Variants in PDE10A observed in about 807,000 individuals in gnomAD.
PDE10A encodes the protein phosphodiesterase 10A.
A neutral mutation model predicts 97.7 loss-of-function variants in PDE10A; 39 were observed. The observed-to-expected ratio is 0.40, with a 90% CI of 0.31 to 0.52. The LOEUF is 0.52. PDE10A is among the 20% of genes least tolerant of loss of function. The pLI, the probability that PDE10A is intolerant of heterozygous loss-of-function variation, is 0.56. For synonymous variants in PDE10A, 371 were observed against 376.8 expected, an observed-to-expected ratio of 0.98 and a Z score of 0.18; for missense variants, 731 against 1,047.8, an observed-to-expected ratio of 0.70 and a Z score of 4.17.
At chr6:165,687,994 C>T (rs376347934) in intron 1 of PDE10A, among the ~76,000 whole-genome samples, 15 of 152,318 alleles carry the variant, frequency 9.8e-5, no homozygotes, top group African/African-American at 2.9e-4. Flanking sequence ...TGTGACTCCA[C>T]GGCTCACGCC....
chr6:165,538,987 A>AT (rs1783261324), intron 2 of PDE10A, among the ~76,000 whole-genome samples: 2 of 152,248 alleles, frequency 1.3e-5, no homozygotes, highest in African/African-American at 2.4e-5. Context: ...ATTTTCCTAC[A>AT]TTTTTTCAAA....
intron 2 of PDE10A, among the ~76,000 whole-genome samples, chr6:165,542,482 G>A (rs1783496927): frequency 6.6e-6 from 1 of 152,154 alleles, no homozygotes; most frequent in South Asian, 2.1e-4. Flanking sequence ...GACTCCTACT[G>A]TAGAAAGCTA....
chr6:165,826,653 C>A (rs1255581175), intron 1 of PDE10A, among the ~76,000 whole-genome samples: 2 of 152,036 alleles, frequency 1.3e-5, no homozygotes, highest in Non-Finnish European at 2.9e-5. Flanking sequence ...GGCCGAGGTA[C>A]CCCCGTGTGT....
chr6:165,626,083 C>A (rs2983509), intron 1 of PDE10A, among the ~76,000 whole-genome samples: 56,216 of 151,854 alleles, frequency 0.37, 11,049 homozygotes, highest in African/African-American at 0.51. Context: ...AAGGACAAAA[C>A]CCAACTCAAG....
intron 1 of PDE10A, among the ~76,000 whole-genome samples, chr6:165,920,447 T>C (rs987904407): frequency 6.6e-6 from 1 of 152,112 alleles, no homozygotes; most frequent in African/African-American, 2.4e-5. Flanking sequence ...TGTAGTAAAA[T>C]GATCCAGTTA....
At chr6:165,839,896 T>TCCTCATCCCCATCTTATCTCCAATTCA (rs1562762551) in intron 1 of PDE10A, among the ~76,000 whole-genome samples, 171 of 151,396 alleles carry the variant, frequency 1.1e-3, no homozygotes, top group South Asian at 4.6e-3. Context: ...TCCATCCCCA[T>TCCTCATCCCCATCTTATCTCCAATTCA]TCCCATCTCC....
At chr6:165,443,384 G>A (rs1463008419) in intron 5 of PDE10A, among the ~76,000 whole-genome samples, 1 of 152,182 alleles carries the variant, frequency 6.6e-6, no homozygotes, top group Non-Finnish European at 1.5e-5. Context: ...TCCAGTGCAT[G>A]CTGATGCAAG....
chr6:165,746,180 A>T (rs1583028528), intron 1 of PDE10A, among the ~76,000 whole-genome samples: 1 of 152,238 alleles, frequency 6.6e-6, no homozygotes, highest in Non-Finnish European at 1.5e-5. Flanking sequence ...TCAGTAAATG[A>T]GAAAACATTT....
intron 1 of PDE10A, among the ~76,000 whole-genome samples, chr6:165,739,602 C>A (rs1792669109): frequency 6.6e-6 from 1 of 150,774 alleles, no homozygotes; most frequent in African/African-American, 2.4e-5. Context: ...TCATATGACC[C>A]CAAAATCACA....
rs6910416 is a variant in PDE10A at position 165,847,018 on chromosome 6, G to T, written c.-615+140511C>A. 8.5e-3 allele frequency among the ~76,000 whole-genome samples: 1,295 copies of T among 152,294 alleles called. 22 individuals carry two copies. Among genetic ancestry groups the T allele is most frequent in the African/African-American group, 0.03 (1,242 of 41,560 alleles). On this transcript the variant is annotated intron_variant, in intron 1 of 19. Transcript: ENST00000366882. The stretch of plus-strand genomic sequence containing the variant: ...GTGGGACAACTCCTGCAAGACACAC[G>T]TTAGGGCGTGTTTATTTTCAGAAGG...
At chr6:165,522,613 T>C (rs186935833) in intron 2 of PDE10A, among the ~76,000 whole-genome samples, 1 of 152,142 alleles carries the variant, frequency 6.6e-6, no homozygotes, top group East Asian at 1.9e-4. Context: ...TGGGAGAACA[T>C]ACCTCAAAGT....
At chr6:165,605,167 C>A (rs111316891) in intron 1 of PDE10A, among the ~76,000 whole-genome samples, 2 of 152,160 alleles carry the variant, frequency 1.3e-5, no homozygotes, top group African/African-American at 4.8e-5. Flanking sequence ...CTCTCTACAG[C>A]GGTCCACCAG....
chr6:165,978,140 A>T (rs1373666431), intron 1 of PDE10A, among the ~76,000 whole-genome samples: 1 of 152,200 alleles, frequency 6.6e-6, no homozygotes, highest in Non-Finnish European at 1.5e-5. Context: ...AATGGCTTAC[A>T]TCTTGGTGTT....
chr6:165,421,314 G>A (rs1006561993), intron 10 of PDE10A, among the ~76,000 whole-genome samples: 5 of 152,026 alleles, frequency 3.3e-5, no homozygotes, highest in Non-Finnish European at 5.9e-5. Flanking sequence ...ATGGCAGCAT[G>A]CATCTGAAGT....
intron 2 of PDE10A, among the ~76,000 whole-genome samples, chr6:165,510,269 A>T (rs1447428945): frequency 6.6e-6 from 1 of 151,736 alleles, no homozygotes; most frequent in Non-Finnish European, 1.5e-5. Flanking sequence ...TAGTTTGCTG[A>T]ATTTTATTAA....
chr6:165,861,139 A>G (rs906608307), intron 1 of PDE10A, among the ~76,000 whole-genome samples: 3 of 152,232 alleles, frequency 2.0e-5, no homozygotes, highest in African/African-American at 7.2e-5. Context: ...AACTGGAAAC[A>G]GCATTGATGT....
At chr6:165,411,347 T>C (rs567484892) in intron 13 of PDE10A, among the ~76,000 whole-genome samples, 9 of 152,060 alleles carry the variant, frequency 5.9e-5, no homozygotes, top group East Asian at 1.9e-4. Context: ...GAGGTAACTA[T>C]GGTAAGAGGA....
chr6:165,867,229 G>T (rs1781080875), intron 1 of PDE10A, among the ~76,000 whole-genome samples: 1 of 96,432 alleles, frequency 1.0e-5, no homozygotes, highest in Non-Finnish European at 2.2e-5. Context: ...TAGACTGAAT[G>T]GAAAAAAAAA....
At chr6:165,538,098 T>C (rs535622965) in intron 2 of PDE10A, among the ~76,000 whole-genome samples, 46 of 152,184 alleles carry the variant, frequency 3.0e-4, no homozygotes, top group African/African-American at 1.0e-3. Context: ...ATCTGAATTT[T>C]AGGTTATCAA....
Sources: allele counts gnomAD v4.1 joint callset (sites outside exome capture counted in the v4.1 genomes callset), GRCh38; gene constraint gnomAD v4.1.1; transcripts MANE v1.5; gene names NCBI Gene and HGNC (gene_info 2026-07-23, HGNC 2026-07-21).